The following SLC5A7 variants were observed in gnomAD, a reference collection of about 807,000 sequenced individuals.
The protein encoded by SLC5A7 is high affinity choline transporter 1.
Under a neutral mutation model 55.4 loss-of-function variants are expected in SLC5A7, and 19 were observed. That is an observed-to-expected ratio of 0.34 (90% CI 0.24 to 0.50). The LOEUF is 0.50. Ranked by LOEUF, SLC5A7 falls within the 20% of genes least tolerant of loss-of-function variation. The probability of loss-of-function intolerance (pLI) is 0.98; values close to 1 mark genes in which losing one functional copy is unlikely to be tolerated. For synonymous variants in SLC5A7, 265 were observed against 263.7 expected (o/e 1.00, Z -0.05); for missense variants, 506 against 705.3 (o/e 0.72, Z 3.20).
At chr2:108,007,558 TA>T (rs1282537188) in intron 7 of SLC5A7, among the ~76,000 whole-genome samples, 1 of 152,138 alleles carries the variant, frequency 6.6e-6, no homozygotes, top group East Asian at 1.9e-4. Context: ...GCATTAAGCC[TA>T]TTTTTTCTTG....
intron 7 of SLC5A7, among the ~76,000 whole-genome samples, chr2:108,007,512 G>T (rs1347280564): frequency 1.3e-5 from 2 of 151,978 alleles, no homozygotes; most frequent in Non-Finnish European, 2.9e-5. Context: ...GTCTGTGTGT[G>T]TGTGTTTATT....
rs748451989 is a variant in SLC5A7, at chr2:107,997,932, C to G, written c.543C>G (p.Leu181=). 1 of 1,613,966 alleles carries G rather than the reference C, an allele frequency of 6.2e-7. No individual in the cohort carries two copies. The highest frequency in any genetic ancestry group is 1.1e-5 in the South Asian group (1 of 91,050). Residue 181 remains leucine, a synonymous_variant, in exon 5 of 9, where the codon CTC becomes CTG. Transcript: ENST00000264047. ...IATLYTLVGG[L]YSVAYTDVVQ... ...CTCTGTACACACTGGTGGGAGGGCTCTATTCTGTGGCCTACACTGATGTCG... is the reference window on the plus strand; with the variant it reads ...CTCTGTACACACTGGTGGGAGGGCTGTATTCTGTGGCCTACACTGATGTCG...
At chr2:107,993,692 G>T (rs1226341273) in intron 4 of SLC5A7, among the ~76,000 whole-genome samples, 1 of 152,152 alleles carries the variant, frequency 6.6e-6, no homozygotes, top group African/African-American at 2.4e-5. Context: ...AGACAACAGT[G>T]TTGCATGTTA....
chr2:107,987,314 C>A (rs1171867656), intron 1 of SLC5A7, among the ~76,000 whole-genome samples: 1 of 152,162 alleles, frequency 6.6e-6, no homozygotes, highest in African/African-American at 2.4e-5. Context: ...ATTTTAATAT[C>A]TTTGAGGCTT....
intron 6 of SLC5A7, among the ~76,000 whole-genome samples, chr2:108,004,342 A>G (rs577145889): frequency 6.6e-6 from 1 of 152,328 alleles, no homozygotes; most frequent in Admixed American, 6.5e-5. Flanking sequence ...TATAGACTTC[A>G]GGAATGGGGT....
In SLC5A7 at chr2:107,994,201, G is replaced by A. The variant is rs114216244; in HGVS notation, c.448+1074G>A. On this transcript the variant is annotated intron_variant, in intron 4 of 8. Transcript: ENST00000264047. ...TCAGCACATCCAATTTCATCCCGCAGGTTAGTCAGGATTTTTTTGATTGCC... is the reference window on the plus strand; with the variant it reads ...TCAGCACATCCAATTTCATCCCGCAAGTTAGTCAGGATTTTTTTGATTGCC... 7.8e-3 allele frequency among the ~76,000 whole-genome samples: 1,183 copies of A among 152,248 alleles called. 19 individuals are homozygous for A. Among genetic ancestry groups the A allele is most frequent in the African/African-American group, 0.027 (1,124 of 41,544 alleles).
chr2:107,993,126 G>C lies in SLC5A7; in HGVS notation c.447G>C (p.Leu149Phe), dbSNP rs1464153134. ...MFWAAAIFSA[L>F]GATISVIIDV... Reference sequence around the variant, plus strand: ...GGGCTGCAGCAATTTTCTCTGCTTTGGGTAAGGACCAGCTAAGTTGTCTAG... The same window carrying C: ...GGGCTGCAGCAATTTTCTCTGCTTTCGGTAAGGACCAGCTAAGTTGTCTAG... Residue 149 changes from leucine (L) to phenylalanine (F), a missense_variant and splice_region_variant, in exon 4 of 9, where the codon TTG becomes TTC. Physicochemically the swap from Leu to Phe is conservative, Grantham distance 22 (BLOSUM62 0). Coordinates refer to ENST00000264047, the MANE Select transcript of SLC5A7 (RefSeq NM_021815.5). The C allele has an allele frequency of 6.2e-7, 1 of 1,614,124 alleles. No homozygotes were observed. Among genetic ancestry groups the C allele is most frequent in the Admixed American group, 1.7e-5 (1 of 60,018 alleles).
At chr2:108,004,204 C>T (rs1678021621) in intron 6 of SLC5A7, among the ~76,000 whole-genome samples, 1 of 152,124 alleles carries the variant, frequency 6.6e-6, no homozygotes, top group South Asian at 2.1e-4. Flanking sequence ...CTTCTGATGA[C>T]CTAAATGTCC....
At chr2:107,999,393 C>G (rs1677799008) in intron 5 of SLC5A7, among the ~76,000 whole-genome samples, 1 of 152,160 alleles carries the variant, frequency 6.6e-6, no homozygotes. Context: ...GGGAATGAAC[C>G]TGTTATTGAT....
chr2:107,992,874 T>TA lies in SLC5A7; in HGVS notation c.293-98_293-97insA, dbSNP rs544997325. On this transcript the variant is annotated intron_variant, in intron 3 of 8. Transcript: ENST00000264047. ...ACTTGTTCCTCAATCCATACAGGTGTTCTGGAAAATGCATTTTCCTTGATA... is the reference window on the plus strand; with the variant it reads ...ACTTGTTCCTCAATCCATACAGGTGTATCTGGAAAATGCATTTTCCTTGATA... 2.1e-4 allele frequency: 283 copies of TA among 1,338,270 alleles called. 3 individuals are homozygous for TA. The African/African-American group carries it at 3.9e-3, about 18-fold the overall frequency. 82.9% of individuals were successfully genotyped at this position (1,338,270 alleles called of 1,614,324 possible).
intron 2 of SLC5A7, among the ~76,000 whole-genome samples, chr2:107,990,090 A>T (rs558415708): frequency 1.3e-5 from 2 of 152,346 alleles, no homozygotes; most frequent in African/African-American, 4.8e-5. Context: ...GATATATTTT[A>T]TAAAGAATAG....
At chr2:108,000,253 G>A (rs1311109787) in intron 5 of SLC5A7, among the ~76,000 whole-genome samples, 5 of 151,956 alleles carry the variant, frequency 3.3e-5, no homozygotes, top group African/African-American at 1.2e-4. Flanking sequence ...CTACCTGTTA[G>A]TATTGGGCCC....
intron 7 of SLC5A7, among the ~76,000 whole-genome samples, chr2:108,007,142 C>T (rs1678156274): frequency 6.6e-6 from 1 of 152,008 alleles, no homozygotes; most frequent in South Asian, 2.1e-4. Context: ...GAAAATACAT[C>T]ATGTTAATCC....
rs921083650 is a variant in SLC5A7 at position 108,012,419 on chromosome 2, T to C, written c.*1558T>C. On this transcript the variant is annotated 3_prime_UTR_variant, in exon 9 of 9. Transcript: ENST00000264047. ...AATGAAGTTAACTTAGTGTTTAGCATTAAAAATAAAAGTTGTACCTTGACC... is the reference window on the plus strand; with the variant it reads ...AATGAAGTTAACTTAGTGTTTAGCACTAAAAATAAAAGTTGTACCTTGACC... 6.6e-6 allele frequency: 1 copy of C among 152,162 alleles called. No individual in the cohort carries two copies. The highest frequency in any genetic ancestry group is 2.1e-4 in the South Asian group (1 of 4,834). 9.4% of individuals were successfully genotyped at this position (152,162 alleles called of 1,614,324 possible). A position where few individuals can be genotyped will look rare whatever the true frequency, so the allele number is the denominator to read the frequency against.
At chr2:108,008,112 G>C (rs1163167841) in intron 7 of SLC5A7, among the ~76,000 whole-genome samples, 1 of 152,184 alleles carries the variant, frequency 6.6e-6, no homozygotes, top group Non-Finnish European at 1.5e-5. Context: ...AGAAGAAACA[G>C]TGAGTGTCCC....
chr2:107,993,428 G>T (rs937242906), intron 4 of SLC5A7, among the ~76,000 whole-genome samples: 3 of 152,138 alleles, frequency 2.0e-5, no homozygotes, highest in Non-Finnish European at 4.4e-5. Context: ...AAAGAATAAT[G>T]AATTAAGCAT....
rs145406516 is a variant in SLC5A7 at position 108,012,164 on chromosome 2, CGTGTGTGT to C, written c.*1310_*1317del. On this transcript the variant is annotated 3_prime_UTR_variant, in exon 9 of 9. Coordinates refer to ENST00000264047, the MANE Select transcript of SLC5A7 (RefSeq NM_021815.5). ...CTGGTGTTACACATACACACTCATA[CGTGTGTGT>C]GTGTGTATGTGTGTGTGTGTATGTG... 8 of 151,756 alleles carry C rather than the reference CGTGTGTGT, an allele frequency of 5.3e-5. No individual in the cohort carries two copies. The highest frequency in any genetic ancestry group is 1.5e-4 in the African/African-American group (6 of 41,368). The allele number at this position is 151,756 out of a possible 1,614,324, so 9.4% of individuals were successfully genotyped here. A position where few individuals can be genotyped will look rare whatever the true frequency, so the allele number is the denominator to read the frequency against.
chr2:108,001,131 C>T (rs1677874637), intron 5 of SLC5A7, among the ~76,000 whole-genome samples: 1 of 151,716 alleles, frequency 6.6e-6, no homozygotes, highest in Admixed American at 6.6e-5. Context: ...AAAACAAAAA[C>T]AATCCACATC....
intron 4 of SLC5A7, among the ~76,000 whole-genome samples, chr2:107,996,726 T>C (rs2104351662): frequency 6.6e-6 from 1 of 152,292 alleles, no homozygotes; most frequent in Admixed American, 6.5e-5. Flanking sequence ...AGTGGAAATA[T>C]AGGGACCAAC....
Sources: gnomAD v4.1 joint callset for allele counts (sites outside exome capture counted in the v4.1 genomes callset) on GRCh38, gnomAD v4.1.1 for gene constraint, MANE v1.5 for transcripts, NCBI Gene and HGNC (gene_info 2026-07-23, HGNC 2026-07-21) for gene names.